Variants in PTPRD observed in about 807,000 individuals in gnomAD.
PTPRD encodes the protein receptor-type tyrosine-protein phosphatase delta.
PTPRD carries 34 observed loss-of-function variants against 214.5 expected under a neutral mutation model. The ratio of observed to expected loss-of-function variants is 0.16; its 90% CI spans 0.12 to 0.21. The LOEUF is 0.21. Ranked by LOEUF, PTPRD falls within the 10% of genes least tolerant of loss-of-function variation. The pLI is 1.00. For synonymous variants in PTPRD, 1,128 were observed against 845.7 expected, an observed-to-expected ratio of 1.33 and a Z score of -5.79; for missense variants, 2,545 against 2,398.7, an observed-to-expected ratio of 1.06 and a Z score of -1.27.
intron 8 of PTPRD, among the ~76,000 whole-genome samples, chr9:9,517,578 G>A (rs2096868479): frequency 6.6e-6 from 1 of 152,010 alleles, no homozygotes; most frequent in Non-Finnish European, 1.5e-5. Context: ...AAACCACTTA[G>A]AGTATTAGAA....
chr9:8,805,781 G>T (rs1347182189), intron 11 of PTPRD, among the ~76,000 whole-genome samples: 1 of 151,218 alleles, frequency 6.6e-6, no homozygotes, highest in Non-Finnish European at 1.5e-5. Flanking sequence ...GGATCATGAG[G>T]TCAGGAGATC....
At chr9:9,823,742 T>C (rs547790933) in intron 5 of PTPRD, among the ~76,000 whole-genome samples, 10 of 152,048 alleles carry the variant, frequency 6.6e-5, no homozygotes, top group African/African-American at 2.4e-4. Context: ...TAGTGGGTGA[T>C]AAAGAGGGAT....
chr9:8,411,066 AAAC>A (rs889289973), intron 35 of PTPRD, among the ~76,000 whole-genome samples: 1 of 152,074 alleles, frequency 6.6e-6, no homozygotes, highest in Admixed American at 6.6e-5. Context: ...AAATGATGAA[AAAC>A]AACAACAAAA....
At chr9:8,993,130 T>G (rs1427962619) in intron 11 of PTPRD, among the ~76,000 whole-genome samples, 4 of 152,136 alleles carry the variant, frequency 2.6e-5, no homozygotes, top group Non-Finnish European at 4.4e-5. Context: ...TCATATGTTT[T>G]ATGCACAGAT....
intron 10 of PTPRD, among the ~76,000 whole-genome samples, chr9:9,106,719 G>C (rs543804372): frequency 4.6e-4 from 70 of 151,084 alleles, no homozygotes; most frequent in African/African-American, 1.6e-3. Context: ...AAACTCTGTA[G>C]TTGGTGATTT....
intron 8 of PTPRD, among the ~76,000 whole-genome samples, chr9:9,420,262 T>C (rs1033443643): frequency 3.3e-5 from 5 of 151,856 alleles, no homozygotes; most frequent in Non-Finnish European, 7.4e-5. Flanking sequence ...AAGTGTAAAC[T>C]ATTTTAGTTT....
At chr9:9,149,177 T>C (rs1051246051) in intron 10 of PTPRD, among the ~76,000 whole-genome samples, 3 of 152,228 alleles carry the variant, frequency 2.0e-5, no homozygotes, top group Non-Finnish European at 4.4e-5. Flanking sequence ...CTCAGGTTCA[T>C]GTCTATCTAT....
At chr9:9,385,643 G>C (rs1264357340) in intron 9 of PTPRD, among the ~76,000 whole-genome samples, 4 of 152,126 alleles carry the variant, frequency 2.6e-5, no homozygotes, top group African/African-American at 7.2e-5. Flanking sequence ...ACAAACCTTA[G>C]TGAAAGTGAA....
chr9:10,358,606 A>C (rs1311709439), intron 2 of PTPRD, among the ~76,000 whole-genome samples: 1 of 152,018 alleles, frequency 6.6e-6, no homozygotes, highest in Non-Finnish European at 1.5e-5. Flanking sequence ...TGAAAAATTT[A>C]GAGTTAGAAA....
At chr9:8,465,748 A>G in intron 31 of PTPRD, 73 bp from the exon 32 acceptor site, 1 of 1,335,142 alleles carries the variant, frequency 7.5e-7, no homozygotes. Flanking sequence ...TTAATGAGAT[A>G]AATTAATTCA....
intron 9 of PTPRD, among the ~76,000 whole-genome samples, chr9:9,235,556 G>C (rs530195726): frequency 7.4e-4 from 112 of 152,194 alleles, no homozygotes; most frequent in African/African-American, 2.6e-3. Context: ...TCAGCCTTAT[G>C]AGGGGTGAGA....
rs370175196 is a variant in PTPRD at position 8,504,430 on chromosome 9, C to T, written c.1678-25G>A. ...GCTGGAAGCAATAAGAGAATGTGGT[C>T]ATCTTCATTAAGGTTCATGCAAATA... On this transcript the variant is annotated intron_variant, in intron 22 of 45. Transcript: ENST00000381196. 1.9e-5 allele frequency: 30 copies of T among 1,613,316 alleles called. No individual in the cohort carries two copies. The African/African-American group carries it at 3.6e-4, about 19-fold the overall frequency.
chr9:8,843,036 A>G (rs529628855), intron 11 of PTPRD, among the ~76,000 whole-genome samples: 1 of 152,272 alleles, frequency 6.6e-6, no homozygotes, highest in African/African-American at 2.4e-5. Flanking sequence ...TAAATTACAT[A>G]ATCACCCTAC....
chr9:9,149,012 T>G (rs2099873295), intron 10 of PTPRD, among the ~76,000 whole-genome samples: 1 of 152,214 alleles, frequency 6.6e-6, no homozygotes, highest in South Asian at 2.1e-4. Flanking sequence ...CAAAGAGCAT[T>G]GTAAACTTAT....
intron 7 of PTPRD, among the ~76,000 whole-genome samples, chr9:9,595,237 G>A (rs1245316780): frequency 6.8e-6 from 1 of 146,600 alleles, no homozygotes; most frequent in African/African-American, 2.6e-5. Context: ...CACTACTGGG[G>A]TATCTACCCA....
intron 10 of PTPRD, among the ~76,000 whole-genome samples, chr9:9,157,289 G>C (rs1361272551): frequency 6.6e-6 from 1 of 151,640 alleles, no homozygotes; most frequent in Non-Finnish European, 1.5e-5. Context: ...TCAGAGCAGA[G>C]ATAAATGAAA....
At chr9:8,997,134 C>T (rs1270850533) in intron 11 of PTPRD, among the ~76,000 whole-genome samples, 2 of 152,042 alleles carry the variant, frequency 1.3e-5, no homozygotes, top group Admixed American at 6.6e-5. Flanking sequence ...TTTGGACAAA[C>T]TGTGACTAGC....
At chr9:9,193,007 T>C (rs900534650) in intron 9 of PTPRD, among the ~76,000 whole-genome samples, 1 of 152,120 alleles carries the variant, frequency 6.6e-6, no homozygotes, top group African/African-American at 2.4e-5. Context: ...TGAAACCAGA[T>C]TGATTCACAT....
At chr9:8,498,674 T>C (rs961049479) in intron 25 of PTPRD, among the ~76,000 whole-genome samples, 29 of 152,204 alleles carry the variant, frequency 1.9e-4, no homozygotes, top group African/African-American at 7.0e-4. Context: ...CCCTGCCAAG[T>C]CACCAATTTC....
Sources: gnomAD v4.1 joint callset for allele counts (sites outside exome capture counted in the v4.1 genomes callset) on GRCh38, gnomAD v4.1.1 for gene constraint, MANE v1.5 for transcripts, NCBI Gene and HGNC (gene_info 2026-07-23, HGNC 2026-07-21) for gene names.